ZFAND2B: variants seen among roughly 807,000 people sequenced by gnomAD.
ZFAND2B encodes the protein AN1-type zinc finger protein 2B.
Under a neutral mutation model 38.2 loss-of-function variants are expected in ZFAND2B, and 27 were observed. The ratio of observed to expected loss-of-function variants is 0.71; its 90% CI spans 0.52 to 0.97. The LOEUF (loss-of-function observed/expected upper bound fraction) is 0.97. ZFAND2B is among the 50% of genes least tolerant of loss of function. The pLI, the probability that ZFAND2B is intolerant of heterozygous loss-of-function variation, is 0.00. For synonymous variants in ZFAND2B, 111 were observed against 119.4 expected (o/e 0.93, Z 0.46); for missense variants, 303 against 331.5 (o/e 0.91, Z 0.67).
chr2:219,207,112 G>A (rs1270421269), intron 1 of ZFAND2B, 70 bp downstream of exon 1: 1 of 1,281,562 alleles, frequency 7.8e-7, no homozygotes, highest in East Asian at 2.6e-5. Flanking sequence ...TGGGAGGGAA[G>A]GGTGGGCTCC....
intron 7 of ZFAND2B, 142 bp from the exon 8 acceptor site, chr2:219,208,835 C>A (rs1285973974): frequency 1.9e-6 from 2 of 1,064,128 alleles, no homozygotes; most frequent in Non-Finnish European, 1.4e-6. Flanking sequence ...GGGGACAATA[C>A]TAATACCCAC....
intron 7 of ZFAND2B, 80 bp from the exon 8 acceptor site, chr2:219,208,897 A>G (rs1056723496): frequency 6.9e-7 from 1 of 1,439,578 alleles, no homozygotes; most frequent in Non-Finnish European, 9.8e-7. Flanking sequence ...GCTCAGCACC[A>G]TGAGGCCCAA....
chr2:219,207,520 G>A, intron 2 of ZFAND2B, 99 bp downstream of exon 2: 2 of 1,584,748 alleles, frequency 1.3e-6, no homozygotes, highest in Non-Finnish European at 1.7e-6. Flanking sequence ...TTGTCCTTCT[G>A]AGGCTGTCAG....
At chr2:219,207,179 G>A in intron 1 of ZFAND2B, 137 bp downstream of exon 1, 1 of 1,347,124 alleles carries the variant, frequency 7.4e-7, no homozygotes, top group Non-Finnish European at 1.0e-6. Flanking sequence ...GTCAGCGGCA[G>A]AGGGGGCGTG....
chr2:219,209,415 G>T lies in ZFAND2B; in HGVS notation c.*109G>T. ...AGCACCCTGGAGGGCAGAGACAAGCGGGAGTGATGTGGAGGTCGCCCTGGG... is the reference window on the plus strand; with the variant it reads ...AGCACCCTGGAGGGCAGAGACAAGCTGGAGTGATGTGGAGGTCGCCCTGGG... On this transcript the variant is annotated 3_prime_UTR_variant, in exon 9 of 9. Coordinates refer to ENST00000289528, the MANE Select transcript of ZFAND2B (RefSeq NM_138802.3). 7.3e-7 allele frequency: 1 copy of T among 1,366,912 alleles called. No homozygotes were observed. Among genetic ancestry groups the T allele is most frequent in the Non-Finnish European group, 1.0e-6 (1 of 976,240 alleles). 84.7% of individuals were successfully genotyped at this position (1,366,912 alleles called of 1,614,324 possible).
chr2:219,207,103 G>T, intron 1 of ZFAND2B, 61 bp downstream of exon 1: 1 of 1,425,888 alleles, frequency 7.0e-7, no homozygotes, highest in South Asian at 1.2e-5. Context: ...ACCGCAGGTT[G>T]GGAGGGAAGG....
intron 1 of ZFAND2B, 112 bp from the exon 2 acceptor site, chr2:219,207,215 G>A: frequency 1.4e-6 from 2 of 1,403,600 alleles, no homozygotes; most frequent in Non-Finnish European, 2.0e-6. Flanking sequence ...GGCTTGGGAA[G>A]GGGCGGTGTG....
At position 219,209,543 on chromosome 2, in the gene ZFAND2B, T is replaced by C. The variant is rs1330213869; in HGVS notation, c.*237T>C. On this transcript the variant is annotated 3_prime_UTR_variant, in exon 9 of 9. Transcript: ENST00000289528. ...GTGGATGCTGGCCAGGCCCTACTCTTAGCCCCTTCATCATGTCATCTCCCT... is the reference window on the plus strand; with the variant it reads ...GTGGATGCTGGCCAGGCCCTACTCTCAGCCCCTTCATCATGTCATCTCCCT... 2.9e-6 allele frequency: 2 copies of C among 700,332 alleles called. No homozygotes were observed. The highest frequency in any genetic ancestry group is 5.3e-6 in the Non-Finnish European group (2 of 375,552). The allele number at this position is 700,332 out of a possible 1,614,324, so 43.4% of individuals were successfully genotyped here.
chr2:219,208,224 G>A, intron 4 of ZFAND2B, 32 bp from the exon 5 acceptor site: 1 of 1,612,618 alleles, frequency 6.2e-7, no homozygotes, highest in Non-Finnish European at 8.5e-7. Flanking sequence ...GCTAGTTCTT[G>A]GAGACATGCC....
Position 219,206,909 on chromosome 2 carries a change from G to A in ZFAND2B, c.-79G>A. 1 of 1,492,266 alleles carries A rather than the reference G, an allele frequency of 6.7e-7. No homozygotes were observed. 92.4% of individuals were successfully genotyped at this position (1,492,266 alleles called of 1,614,324 possible). On this transcript the variant is annotated 5_prime_UTR_variant, in exon 1 of 9. Transcript: ENST00000289528. ...AGGGAGCCCGCCAGAGTGCGGGGTC[G>A]CGGTGCGGACTTCGAGCACGAGCCC...
In ZFAND2B at chr2:219,206,929, G is replaced by A; in HGVS notation, c.-59G>A. On this transcript the variant is annotated 5_prime_UTR_variant, in exon 1 of 9. Transcript: ENST00000289528. ...GGGTCGCGGTGCGGACTTCGAGCACGAGCCCTAAAGACGCTCAGCACTCGT... is the reference window on the plus strand; with the variant it reads ...GGGTCGCGGTGCGGACTTCGAGCACAAGCCCTAAAGACGCTCAGCACTCGT... 1 of 1,585,114 alleles carries A rather than the reference G, an allele frequency of 6.3e-7. No individual in the cohort carries two copies. Among genetic ancestry groups the A allele is most frequent in the Non-Finnish European group, 8.6e-7 (1 of 1,161,064 alleles).
intron 1 of ZFAND2B, 24 bp downstream of exon 1, chr2:219,207,066 G>T: frequency 3.2e-6 from 5 of 1,582,488 alleles, no homozygotes; most frequent in Non-Finnish European, 3.4e-6. Context: ...CGCGCGGGGG[G>T]CGGGGCCCAG....
chr2:219,207,144 C>CG (rs1011148000), intron 1 of ZFAND2B, 102 bp downstream of exon 1: 1 of 627,794 alleles, frequency 1.6e-6, no homozygotes, highest in Non-Finnish European at 2.5e-6. Context: ...TGCCGGGGGG[C>CG]GGGGCTTGAA....
rs766512245 is a variant in ZFAND2B, at chr2:219,207,679, ATGTGCC to A, written c.193_198del (p.Pro65_Val66del). ...CAGGTACCTGTGTGCCCTCTCTGTA[ATGTGCC>A]TGTGCCTGTGGCCAGAGGGGAGCCC... is the stretch of plus-strand genomic sequence containing the variant. On this transcript the variant is annotated inframe_deletion, in exon 3 of 9. Transcript: ENST00000289528. 1.9e-5 allele frequency: 31 copies of A among 1,614,106 alleles called. 1 individual carries two copies. The highest frequency in any genetic ancestry group is 4.4e-5 in the South Asian group (4 of 91,078).
Position 219,207,371 on chromosome 2 carries a change from G to A in ZFAND2B, c.100G>A (p.Ala34Thr), listed in dbSNP as rs764626046. The stretch of plus-strand genomic sequence containing the variant: ...TGATGCCTGCTCAGGCATCTTCTGC[G>A]CAGACCATGTGGCCTACGCCCAGCA... ...KCDACSGIFC[A>T]DHVAYAQHHC... Residue 34 changes from alanine to threonine, a missense_variant, in exon 2 of 9, where the codon GCA (alanine) becomes ACA (threonine). Coordinates refer to ENST00000289528, the MANE Select transcript of ZFAND2B (RefSeq NM_138802.3). 3 of 1,613,388 alleles carry A rather than the reference G, an allele frequency of 1.9e-6. No individual in the cohort carries two copies. The highest frequency in any genetic ancestry group is 2.7e-5 in the African/African-American group (2 of 74,918).
chr2:219,207,143 G>A, intron 1 of ZFAND2B, 101 bp downstream of exon 1: 2 of 971,398 alleles, frequency 2.1e-6, no homozygotes, highest in East Asian at 5.4e-5. Context: ...ATGCCGGGGG[G>A]CGGGGCTTGA....
At chr2:219,207,578 A>G (rs1950506150) in intron 2 of ZFAND2B, 70 bp from the exon 3 acceptor site, 4 of 1,602,374 alleles carry the variant, frequency 2.5e-6, no homozygotes, top group East Asian at 2.2e-5. Flanking sequence ...GTCATATCCA[A>G]GTTCTTTCAG....
chr2:219,208,662 A>G, intron 7 of ZFAND2B, 23 bp downstream of exon 7: 1 of 1,613,692 alleles, frequency 6.2e-7, no homozygotes, highest in African/African-American at 1.3e-5. Flanking sequence ...CTTGTGAAAG[A>G]GAGCGCAAGC....
At chr2:219,207,068 G>A (rs1175892034) in intron 1 of ZFAND2B, 26 bp downstream of exon 1, 1 of 1,582,646 alleles carries the variant, frequency 6.3e-7, no homozygotes, top group African/African-American at 1.4e-5. Context: ...CGCGGGGGGC[G>A]GGGCCCAGCG....
Sources: allele counts gnomAD v4.1 joint callset, GRCh38; gene constraint gnomAD v4.1.1; transcripts MANE v1.5; gene names NCBI Gene and HGNC (gene_info 2026-07-23, HGNC 2026-07-21).